Variants in PRKCE observed in about 807,000 individuals in gnomAD.
The protein encoded by PRKCE is protein kinase C epsilon type.
In PRKCE, 16 loss-of-function variants were observed where a neutral mutation model predicts 85.4. That is an observed-to-expected ratio of 0.19 (90% CI 0.13 to 0.28). The LOEUF (loss-of-function observed/expected upper bound fraction) is 0.28, where lower values mean the gene tolerates loss of function less well. PRKCE is among the 10% of genes least tolerant of loss of function. PRKCE has a pLI of 1.00. For missense variants in PRKCE, 573 were observed against 975.2 expected (o/e 0.59, Z 5.49); for synonymous variants, 388 against 371.5 (o/e 1.04, Z -0.51).
chr2:46,181,676 A>C (rs1054369866), intron 14 of PRKCE, among the ~76,000 whole-genome samples: 1 of 152,232 alleles, frequency 6.6e-6, no homozygotes, highest in Non-Finnish European at 1.5e-5. Context: ...AGCTTCCATG[A>C]TTAACAGACA....
chr2:45,898,818 C>T (rs1478294021), intron 2 of PRKCE, among the ~76,000 whole-genome samples: 1 of 152,154 alleles, frequency 6.6e-6, no homozygotes, highest in Non-Finnish European at 1.5e-5. Context: ...TGGCTGAACT[C>T]GCATGAGGCC....
intron 14 of PRKCE, among the ~76,000 whole-genome samples, chr2:46,166,042 C>A (rs937740728): frequency 7.2e-5 from 11 of 152,246 alleles, no homozygotes; most frequent in African/African-American, 2.7e-4. Context: ...AGGCCCCTCT[C>A]AACCTCATGA....
intron 8 of PRKCE, among the ~76,000 whole-genome samples, chr2:46,006,929 G>T (rs1162609059): frequency 6.6e-6 from 1 of 152,222 alleles, no homozygotes; most frequent in Non-Finnish European, 1.5e-5. Context: ...AAGAAACCCG[G>T]CAACAAGGCT....
At chr2:45,987,765 C>A (rs61756877) in intron 6 of PRKCE, among the ~76,000 whole-genome samples, 7,218 of 152,256 alleles carry the variant, frequency 0.047, 243 homozygotes, top group Middle Eastern at 0.13. Context: ...ATGATAGTAT[C>A]ATACAGATTA....
At chr2:45,780,788 A>G (rs1452961323) in intron 1 of PRKCE, among the ~76,000 whole-genome samples, 1 of 152,170 alleles carries the variant, frequency 6.6e-6, no homozygotes, top group Non-Finnish European at 1.5e-5. Flanking sequence ...TCCTCCTCTC[A>G]TTGTGGTTTC....
chr2:46,187,908 T>C lies in PRKCE; in HGVS notation c.*3027T>C, dbSNP rs1384343358. On this transcript the variant is annotated 3_prime_UTR_variant, in exon 15 of 15. Transcript: ENST00000306156. ...ATTAGTGTTATTTCATTGTAAACGT[T>C]ATTGTGCCAAATGTACTGTATTCAA... 6.6e-6 allele frequency: 1 copy of C among 152,638 alleles called. No individual in the cohort carries two copies. The highest frequency in any genetic ancestry group is 1.5e-5 in the Non-Finnish European group (1 of 68,036). The allele number at this position is 152,638 out of a possible 1,614,324, so 9.5% of individuals were successfully genotyped here.
At chr2:45,872,439 G>A (rs1694168432) in intron 2 of PRKCE, among the ~76,000 whole-genome samples, 1 of 152,192 alleles carries the variant, frequency 6.6e-6, no homozygotes, top group Non-Finnish European at 1.5e-5. Context: ...TAAAGCTGGA[G>A]TCGTAGGAGG....
At chr2:46,104,109 C>T (rs989688146) in intron 11 of PRKCE, among the ~76,000 whole-genome samples, 3 of 152,112 alleles carry the variant, frequency 2.0e-5, no homozygotes, top group Non-Finnish European at 4.4e-5. Context: ...AATCAGAATC[C>T]TCTGCCAGAT....
At chr2:45,761,922 C>T (rs1684539130) in intron 1 of PRKCE, among the ~76,000 whole-genome samples, 1 of 152,122 alleles carries the variant, frequency 6.6e-6, no homozygotes, top group African/African-American at 2.4e-5. Context: ...TTTAAAGCCT[C>T]CTTGCCCTTC....
chr2:45,848,676 G>A (rs1339006678), intron 2 of PRKCE, among the ~76,000 whole-genome samples: 1 of 151,988 alleles, frequency 6.6e-6, no homozygotes, highest in Admixed American at 6.6e-5. Flanking sequence ...ATGGAGAGTG[G>A]AGAAGGAAGT....
intron 1 of PRKCE, among the ~76,000 whole-genome samples, chr2:45,685,913 C>G (rs1319010508): frequency 2.0e-5 from 3 of 152,190 alleles, no homozygotes; most frequent in Admixed American, 6.5e-5. Flanking sequence ...GGATAGAACC[C>G]TGACTATTCA....
intron 6 of PRKCE, among the ~76,000 whole-genome samples, chr2:45,999,463 T>C (rs1295332835): frequency 6.6e-6 from 1 of 152,144 alleles, no homozygotes; most frequent in African/African-American, 2.4e-5. Flanking sequence ...TCCTCCTTTA[T>C]AGGTAAAACT....
chr2:46,031,357 C>T (rs1363476040), intron 10 of PRKCE, among the ~76,000 whole-genome samples: 2 of 152,204 alleles, frequency 1.3e-5, no homozygotes, highest in Admixed American at 6.5e-5. Context: ...ATGCCCCAGC[C>T]ATGCCCCTTG....
At position 45,895,477 on chromosome 2, in the gene PRKCE, C is replaced by G. The variant is rs1317455377; in HGVS notation, c.412+52414C>G. Among the ~76,000 whole-genome samples the G allele has an allele frequency of 6.6e-6, 1 of 152,184 alleles. No individual in the cohort carries two copies. The highest frequency in any genetic ancestry group is 1.5e-5 in the Non-Finnish European group (1 of 68,032). On this transcript the variant is annotated intron_variant, in intron 2 of 14. Coordinates refer to ENST00000306156, the MANE Select transcript of PRKCE (RefSeq NM_005400.3). This position sits in a 1 kb window ranked among gnomAD's most constrained non-coding sequence, Gnocchi z 4.8. ...GGTGGGGATACATGGTACAGCCACC[C>G]AAGGCATGGCAGCCATGTGGTGATT...
At chr2:45,847,404 A>T (rs1309338665) in intron 2 of PRKCE, among the ~76,000 whole-genome samples, 1 of 152,214 alleles carries the variant, frequency 6.6e-6, no homozygotes, top group Non-Finnish European at 1.5e-5. Context: ...CAAATCCCTT[A>T]ACCTTTCAGA....
intron 2 of PRKCE, among the ~76,000 whole-genome samples, chr2:45,846,255 C>T (rs1266213343): frequency 2.6e-5 from 4 of 152,164 alleles, no homozygotes; most frequent in Admixed American, 2.6e-4. Context: ...AGTATTTCTT[C>T]CCTTCATATG....
chr2:45,800,501 TACA>T (rs1687775478), intron 1 of PRKCE, among the ~76,000 whole-genome samples: 1 of 152,250 alleles, frequency 6.6e-6, no homozygotes, highest in Non-Finnish European at 1.5e-5. Flanking sequence ...AGCAGTTGGC[TACA>T]GGCTCTTGCC....
intron 6 of PRKCE, among the ~76,000 whole-genome samples, chr2:45,987,279 G>C (rs1044015401): frequency 5.9e-5 from 9 of 152,080 alleles, no homozygotes; most frequent in African/African-American, 2.2e-4. Flanking sequence ...TGGAGCAAGG[G>C]TATCTGTCCA....
intron 1 of PRKCE, among the ~76,000 whole-genome samples, chr2:45,707,208 C>T (rs2280562): frequency 0.057 from 8,632 of 152,234 alleles, 395 homozygotes; most frequent in African/African-American, 0.12. Context: ...AGCATGTGTC[C>T]CAGAACTTAC....
Sources: gnomAD v4.1 joint callset for allele counts (sites outside exome capture counted in the v4.1 genomes callset) on GRCh38, gnomAD v4.1.1 for gene constraint, Gnocchi (gnomAD v3.1) non-coding constraint, MANE v1.5 for transcripts, NCBI Gene and HGNC (gene_info 2026-07-23, HGNC 2026-07-21) for gene names.